Variants in CDH9 observed in about 807,000 individuals in gnomAD.
CDH9 encodes the protein cadherin-9.
CDH9 carries 28 observed loss-of-function variants against 70.9 expected under a neutral mutation model. The ratio of observed to expected loss-of-function variants is 0.40; its 90% CI spans 0.29 to 0.54. The LOEUF (loss-of-function observed/expected upper bound fraction) is 0.54, where lower values mean the gene tolerates loss of function less well. Ranked by LOEUF, CDH9 falls within the 20% of genes least tolerant of loss-of-function variation. The pLI is 0.59. For synonymous variants in CDH9, 409 were observed against 343.1 expected (o/e 1.19, Z -2.12); for missense variants, 874 against 984.4 (o/e 0.89, Z 1.50).
At chr5:26,921,683 C>G (rs1418432668) in intron 2 of CDH9, among the ~76,000 whole-genome samples, 2 of 152,146 alleles carry the variant, frequency 1.3e-5, no homozygotes, top group East Asian at 3.9e-4. Context: ...TACTGTCTCT[C>G]TAAATAAACT....
chr5:26,932,500 G>A (rs1348619700), intron 2 of CDH9, among the ~76,000 whole-genome samples: 3 of 152,030 alleles, frequency 2.0e-5, no homozygotes, highest in African/African-American at 7.2e-5. Context: ...GTGCATGCAT[G>A]TTAAGAATTG....
intron 2 of CDH9, among the ~76,000 whole-genome samples, chr5:26,978,754 C>G (rs1742346585): frequency 6.6e-6 from 1 of 151,468 alleles, no homozygotes; most frequent in African/African-American, 2.4e-5. Context: ...GCCAGAAAAA[C>G]AAACATATTA....
chr5:26,942,831 A>C (rs538568154), intron 2 of CDH9, among the ~76,000 whole-genome samples: 20 of 152,210 alleles, frequency 1.3e-4, no homozygotes, highest in African/African-American at 4.6e-4. Flanking sequence ...TCTAAAACCA[A>C]ATATTTTGCA....
chr5:26,997,026 T>C (rs1742677522), intron 1 of CDH9, among the ~76,000 whole-genome samples: 1 of 152,032 alleles, frequency 6.6e-6, no homozygotes, highest in Non-Finnish European at 1.5e-5. Flanking sequence ...AAAAATCTAG[T>C]ATCAGAAGAG....
intron 2 of CDH9, among the ~76,000 whole-genome samples, chr5:26,935,111 T>C (rs1741536714): frequency 1.3e-5 from 2 of 152,132 alleles, no homozygotes; most frequent in African/African-American, 4.8e-5. Flanking sequence ...ATCTGTCATA[T>C]CAAGAGGCTA....
chr5:26,886,697 A>G (rs1740572396), intron 9 of CDH9, among the ~76,000 whole-genome samples: 1 of 152,180 alleles, frequency 6.6e-6, no homozygotes, highest in African/African-American at 2.4e-5. Flanking sequence ...ATACAAAGAA[A>G]TGCTTTTAAG....
In CDH9 at chr5:26,902,490, C is replaced by T. The variant is rs866802321; in HGVS notation, c.1239G>A (p.Arg413=). ...AAAGTACTTACTTTATTAAATTGTT[C>T]CTGGCATCTGGATCGTATGCTGTAA... ...GQVTAYDPDA[R]NNLIKYSVDR... is the part of the protein sequence containing the mutation. Residue 413 remains arginine, a synonymous_variant, in exon 7 of 12, where the codon AGG becomes AGA. Coordinates refer to ENST00000231021, the MANE Select transcript of CDH9 (RefSeq NM_016279.4). The T allele has an allele frequency of 2.5e-6, 4 of 1,599,924 alleles. No individual in the cohort carries two copies. The East Asian group carries it at 6.7e-5, about 27-fold the overall frequency.
rs191922373 is a variant in CDH9 at position 26,968,991 on chromosome 5, G to A, written c.228+19115C>T. The stretch of plus-strand genomic sequence containing the variant: ...TATAAATATGTAGCTATTAGCTGAC[G>A]TTTGCCCTCCTAAAACCTCAAATCC... On this transcript the variant is annotated intron_variant, in intron 2 of 11. Transcript: ENST00000231021. Among the ~76,000 whole-genome samples, 27 of 152,216 alleles carry A rather than the reference G, an allele frequency of 1.8e-4. No homozygotes were observed. The East Asian group carries it at 3.9e-3, about 22-fold the overall frequency.
At chr5:27,018,966 A>T (rs3811930) in intron 1 of CDH9, among the ~76,000 whole-genome samples, 79,065 of 151,742 alleles carry the variant, frequency 0.52, 22,099 homozygotes, top group African/African-American at 0.69. Context: ...TTTGTCCCAA[A>T]GTAAAATACG....
At chr5:26,978,895 T>C (rs895331672) in intron 2 of CDH9, among the ~76,000 whole-genome samples, 4 of 151,816 alleles carry the variant, frequency 2.6e-5, no homozygotes. Flanking sequence ...TGGTTCTATA[T>C]CCAGTTAAAA....
intron 1 of CDH9, among the ~76,000 whole-genome samples, chr5:26,995,761 A>G (rs1481916768): frequency 6.6e-6 from 1 of 152,094 alleles, no homozygotes; most frequent in Non-Finnish European, 1.5e-5. Context: ...TTCTATGCCT[A>G]ATTATTTGTC....
At chr5:27,008,221 C>T (rs1022989387) in intron 1 of CDH9, among the ~76,000 whole-genome samples, 2 of 151,954 alleles carry the variant, frequency 1.3e-5, no homozygotes, top group Non-Finnish European at 1.5e-5. Context: ...ATAAACCGGG[C>T]GGGGTGGCTC....
At chr5:26,991,036 G>A (rs1306688836) in intron 1 of CDH9, among the ~76,000 whole-genome samples, 1 of 152,208 alleles carries the variant, frequency 6.6e-6, no homozygotes, top group Non-Finnish European at 1.5e-5. Flanking sequence ...GCGATTGAAA[G>A]CAGTTGGAAG....
chr5:26,888,095 A>G (rs535306129), intron 9 of CDH9, among the ~76,000 whole-genome samples: 1 of 152,138 alleles, frequency 6.6e-6, no homozygotes, highest in Non-Finnish European at 1.5e-5. Flanking sequence ...TTTTTATGAA[A>G]AAAAAATGTT....
intron 7 of CDH9, among the ~76,000 whole-genome samples, chr5:26,896,361 T>A (rs923418644): frequency 2.2e-4 from 34 of 151,806 alleles, no homozygotes; most frequent in African/African-American, 7.5e-4. Flanking sequence ...AGGGAGATTT[T>A]ATATGCACAT....
chr5:26,941,551 C>G (rs1741662228), intron 2 of CDH9, among the ~76,000 whole-genome samples: 1 of 152,178 alleles, frequency 6.6e-6, no homozygotes, highest in Non-Finnish European at 1.5e-5. Context: ...CTCCTCTTGT[C>G]CTTTCTAAAC....
At position 26,973,017 on chromosome 5, in the gene CDH9, C is replaced by T. The variant is rs532844513; in HGVS notation, c.228+15089G>A. On this transcript the variant is annotated intron_variant, in intron 2 of 11. Transcript: ENST00000231021. ...TAGCTGCGACTACAAGCGTGTGCTACCACACTCGGCTAATTTTTGTATTTT... is the reference window on the plus strand; with the variant it reads ...TAGCTGCGACTACAAGCGTGTGCTATCACACTCGGCTAATTTTTGTATTTT... Among the ~76,000 whole-genome samples, 48 of 152,190 alleles carry T rather than the reference C, an allele frequency of 3.2e-4. No homozygotes were observed. The East Asian group carries it at 8.7e-3, about 28-fold the overall frequency.
chr5:26,932,001 A>T (rs892251965), intron 2 of CDH9, among the ~76,000 whole-genome samples: 2 of 152,248 alleles, frequency 1.3e-5, no homozygotes, highest in East Asian at 3.8e-4. Context: ...AAATGTAAGC[A>T]TAGGCACAAC....
chr5:26,951,045 G>A (rs893314155), intron 2 of CDH9, among the ~76,000 whole-genome samples: 2 of 152,030 alleles, frequency 1.3e-5, no homozygotes, highest in Non-Finnish European at 2.9e-5. Flanking sequence ...TGTAATCCCA[G>A]CACTTTGGGA....
Sources: allele counts gnomAD v4.1 joint callset (sites outside exome capture counted in the v4.1 genomes callset), GRCh38; gene constraint gnomAD v4.1.1; transcripts MANE v1.5; gene names NCBI Gene and HGNC (gene_info 2026-07-23, HGNC 2026-07-21).